The following SERINC2 variants were observed in gnomAD, a reference collection of about 807,000 sequenced individuals.
The protein encoded by SERINC2 is serine incorporator 2, also known as tumor differentially expressed protein 2.
In SERINC2, 56 loss-of-function variants were observed where a neutral mutation model predicts 54.2. The observed-to-expected ratio is 1.03, with a 90% CI of 0.83 to 1.29. The LOEUF (loss-of-function observed/expected upper bound fraction) is 1.29, where lower values mean the gene tolerates loss of function less well. SERINC2 is among the 50% of genes most tolerant of loss of function. The pLI is 0.00. For synonymous variants in SERINC2, 272 were observed against 253.1 expected, an observed-to-expected ratio of 1.07 and a Z score of -0.71; for missense variants, 614 against 607.4, an observed-to-expected ratio of 1.01 and a Z score of -0.12.
chr1:31,429,864 C>T (rs937551719), intron 8 of SERINC2, among the ~76,000 whole-genome samples: 4 of 152,068 alleles, frequency 2.6e-5, no homozygotes, highest in Admixed American at 1.3e-4. Flanking sequence ...CCCTGCTGTG[C>T]GGCTTGGGGT....
At chr1:31,428,334 C>A (rs1284711699) in intron 6 of SERINC2, among the ~76,000 whole-genome samples, 1 of 152,252 alleles carries the variant, frequency 6.6e-6, no homozygotes, top group Non-Finnish European at 1.5e-5. Context: ...GCCGCCATGC[C>A]TAGCTGCCTG....
chr1:31,426,610 C>T (rs782198316), intron 5 of SERINC2, 44 bp from the exon 6 acceptor site: 17 of 1,534,652 alleles, frequency 1.1e-5, no homozygotes, highest in Non-Finnish European at 1.3e-5. Context: ...CCTGTTCCTC[C>T]TGCCCCACCC....
At chr1:31,417,238 A>G (rs1553132317) in intron 1 of SERINC2, among the ~76,000 whole-genome samples, 1 of 152,102 alleles carries the variant, frequency 6.6e-6, no homozygotes, top group African/African-American at 2.4e-5. Context: ...ACACTACCCC[A>G]TGACCTGTCT....
chr1:31,410,417 A>ACCC, upstream of SERINC2: 1 of 1,549,718 alleles, frequency 6.5e-7, no homozygotes, highest in South Asian at 1.2e-5. Context: ...AGGAGGAGTC[A>ACCC]CCCGGACCCA....
intron 1 of SERINC2, chr1:31,414,419 G>GTT: frequency 8.7e-7 from 1 of 1,145,948 alleles, no homozygotes; most frequent in East Asian, 5.4e-5. Context: ...GTCCCTGACG[G>GTT]GTTGTGTGTG....
chr1:31,413,963 G>A lies in SERINC2; in HGVS notation c.39+659G>A. ...CAGTCTGGCTCGCGCTGCCTCTCAGGCACTTCCCCAGCTCGCCCCGGATCA... is the reference window on the plus strand; with the variant it reads ...CAGTCTGGCTCGCGCTGCCTCTCAGACACTTCCCCAGCTCGCCCCGGATCA... On this transcript the variant is annotated intron_variant, in intron 1 of 9. Coordinates refer to ENST00000373709, the MANE Select transcript of SERINC2 (RefSeq NM_178865.5). The surrounding 1 kb of genome is among the most constrained non-coding windows in gnomAD (Gnocchi z 5.0). The A allele has an allele frequency of 6.5e-7, 1 of 1,528,732 alleles. No individual in the cohort carries two copies. Among genetic ancestry groups the A allele is most frequent in the Admixed American group, 2.0e-5 (1 of 50,322 alleles). 94.7% of individuals were successfully genotyped at this position (1,528,732 alleles called of 1,614,324 possible).
chr1:31,417,546 A>G (rs1640809537), intron 1 of SERINC2, among the ~76,000 whole-genome samples: 1 of 152,164 alleles, frequency 6.6e-6, no homozygotes, highest in Admixed American at 6.5e-5. Context: ...GAGGTAAAAG[A>G]TGCATAACAT....
intron 3 of SERINC2, among the ~76,000 whole-genome samples, 197 bp downstream of exon 3, chr1:31,425,070 C>G (rs1641001936): frequency 6.6e-6 from 1 of 152,196 alleles, no homozygotes; most frequent in Non-Finnish European, 1.5e-5. Flanking sequence ...AGCCTCAGGC[C>G]CCGCAGCACT....
intron 8 of SERINC2, among the ~76,000 whole-genome samples, chr1:31,432,108 GGATAGGGTGGTT>G (rs1641287361): frequency 7.5e-6 from 1 of 133,960 alleles, no homozygotes; most frequent in Non-Finnish European, 1.6e-5. Context: ...TGGACAGGGT[GGATAGGGTGGTT>G]AGGGTGGATA....
upstream of SERINC2, chr1:31,413,105 T>G: frequency 1.0e-6 from 1 of 998,966 alleles, no homozygotes; most frequent in South Asian, 4.7e-5. This position sits in a 1 kb window ranked among gnomAD's most constrained non-coding sequence, Gnocchi z 5.0. Flanking sequence ...CAGGTGAGTC[T>G]GGGGAGGCCC....
rs1181426329 is a variant in SERINC2, at chr1:31,413,880, T to TCCGTCTGC, written c.39+582_39+589dup. On this transcript the variant is annotated intron_variant, in intron 1 of 9. Transcript: ENST00000373709. The surrounding 1 kb of genome is among the most constrained non-coding windows in gnomAD (Gnocchi z 5.0). ...GTCTTTGTCCGTCTGCTGTCTTCTGTCCGTCTGCCCGTCCGCCCGTCCGTC... is the reference window on the plus strand; with the variant it reads ...GTCTTTGTCCGTCTGCTGTCTTCTGTCCGTCTGCCCGTCTGCCCGTCCGCCCGTCCGTC... 4.1e-6 allele frequency: 6 copies of TCCGTCTGC among 1,448,184 alleles called. No individual in the cohort carries two copies. Among genetic ancestry groups the TCCGTCTGC allele is most frequent in the East Asian group, 2.9e-5 (1 of 34,636 alleles). The allele number at this position is 1,448,184 out of a possible 1,614,324, so 89.7% of individuals were successfully genotyped here.
At chr1:31,415,454 C>A (rs1044423914) in intron 1 of SERINC2, among the ~76,000 whole-genome samples, 2 of 152,236 alleles carry the variant, frequency 1.3e-5, no homozygotes, top group Non-Finnish European at 2.9e-5. Context: ...CCTATGACAT[C>A]GTTAGCCCAT....
At chr1:31,432,933 T>C in intron 8 of SERINC2, 34 bp from the exon 9 acceptor site, 3 of 1,530,890 alleles carry the variant, frequency 2.0e-6, no homozygotes, top group Non-Finnish European at 8.9e-7. Context: ...ACGCCAGAGC[T>C]ATCTATTTGC....
upstream of SERINC2, chr1:31,410,424 C>G (rs1229877492): frequency 3.2e-6 from 5 of 1,550,072 alleles, no homozygotes; most frequent in Non-Finnish European, 3.5e-6. Flanking sequence ...GTCACCCGGA[C>G]CCAGCCACAC....
At position 31,434,038 on chromosome 1, in the gene SERINC2, C is replaced by T. The variant is rs531152927; in HGVS notation, c.1233-26C>T. 4 of 1,611,022 alleles carry T rather than the reference C, an allele frequency of 2.5e-6. No individual in the cohort carries two copies. In the African/African-American group the frequency reaches 5.3e-5, roughly 21 times the overall value. ...GGAAGTCACCAGACTGGGCACCAGGCTCATGGGGAAGATGGTGTGTTCCAG... is the reference window on the plus strand; with the variant it reads ...GGAAGTCACCAGACTGGGCACCAGGTTCATGGGGAAGATGGTGTGTTCCAG... On this transcript the variant is annotated intron_variant, in intron 9 of 9. Transcript: ENST00000373709.
At chr1:31,432,165 T>G (rs113375213) in intron 8 of SERINC2, among the ~76,000 whole-genome samples, 248 of 19,666 alleles carry the variant, frequency 0.013, 14 homozygotes, top group East Asian at 0.039. Context: ...ACAGGGTGGA[T>G]AGGGTGGATA....
At chr1:31,426,921 G>C in intron 6 of SERINC2, 98 bp downstream of exon 6, 2 of 1,149,308 alleles carry the variant, frequency 1.7e-6, no homozygotes, top group Non-Finnish European at 2.5e-6. Flanking sequence ...TGTCATCACA[G>C]AGGCACGGCC....
At chr1:31,414,138 G>T in intron 1 of SERINC2, 4 of 1,418,458 alleles carry the variant, frequency 2.8e-6, no homozygotes, top group Non-Finnish European at 3.7e-6. Context: ...TCGGGTGTGC[G>T]CGGGGAGTGC....
chr1:31,426,870 G>C (rs782624377), intron 6 of SERINC2, 47 bp downstream of exon 6: 1 of 1,561,702 alleles, frequency 6.4e-7, no homozygotes, highest in Non-Finnish European at 8.8e-7. Context: ...CCCCTTAGTG[G>C]GTGGGACTTC....
Sources: gnomAD v4.1 joint callset for allele counts (sites outside exome capture counted in the v4.1 genomes callset) on GRCh38, gnomAD v4.1.1 for gene constraint, Gnocchi (gnomAD v3.1) non-coding constraint, MANE v1.5 for transcripts, NCBI Gene and HGNC (gene_info 2026-07-23, HGNC 2026-07-21) for gene names.